DIP2B: variants seen among roughly 807,000 people sequenced by gnomAD.
DIP2B encodes the protein disco-interacting protein 2 homolog B.
DIP2B carries 76 observed loss-of-function variants against 198.0 expected under a neutral mutation model. The ratio of observed to expected loss-of-function variants is 0.38; its 90% confidence interval spans 0.32 to 0.46. The LOEUF is 0.46. DIP2B is among the 20% of genes least tolerant of loss of function. The probability of loss-of-function intolerance (pLI) is 0.99; values close to 1 mark genes in which losing one functional copy is unlikely to be tolerated. For synonymous variants in DIP2B, 701 were observed against 739.1 expected, an observed-to-expected ratio of 0.95 and a Z score of 0.84; for missense variants, 1,559 against 1,978.4, an observed-to-expected ratio of 0.79 and a Z score of 4.02.
At chr12:50,628,372 AAAAT>A (rs568896946) in intron 2 of DIP2B, among the ~76,000 whole-genome samples, 5 of 152,290 alleles carry the variant, frequency 3.3e-5, no homozygotes, top group East Asian at 1.9e-4. Context: ...CTCCGTCTCA[AAAAT>A]AAATAAATAA....
At chr12:50,648,549 G>A (rs1435778221) in intron 3 of DIP2B, among the ~76,000 whole-genome samples, 2 of 151,918 alleles carry the variant, frequency 1.3e-5, no homozygotes, top group Non-Finnish European at 2.9e-5. Context: ...ATTTTTAGTA[G>A]AGACGGGTTT....
Position 50,517,073 on chromosome 12 carries a change from C to T in DIP2B, c.100+11833C>T, listed in dbSNP as rs372786385. On this transcript the variant is annotated intron_variant, in intron 1 of 37. Transcript: ENST00000301180. ...CTGGGACTACAGGTGCCCGCCACCACGCCCGGCTAATTTTTTTGTATTTTT... is the reference window on the plus strand; with the variant it reads ...CTGGGACTACAGGTGCCCGCCACCATGCCCGGCTAATTTTTTTGTATTTTT... 6.6e-5 allele frequency among the ~76,000 whole-genome samples: 10 copies of T among 152,002 alleles called. No individual in the cohort carries two copies. The East Asian group carries it at 7.9e-4, about 12-fold the overall frequency.
At chr12:50,537,548 A>C (rs549132712) in intron 1 of DIP2B, among the ~76,000 whole-genome samples, 109 of 152,270 alleles carry the variant, frequency 7.2e-4, no homozygotes, top group African/African-American at 2.5e-3. Flanking sequence ...CATCCCAGTC[A>C]ACAAATGGCA....
At chr12:50,679,794 A>G (rs537987093) in intron 8 of DIP2B, 1 of 152,222 alleles carries the variant, frequency 6.6e-6, no homozygotes, top group South Asian at 2.1e-4. Flanking sequence ...CCATATGTTC[A>G]TACAGATAAT....
intron 5 of DIP2B, among the ~76,000 whole-genome samples, chr12:50,671,861 T>C (rs1433811003): frequency 6.6e-6 from 1 of 152,246 alleles, no homozygotes; most frequent in Non-Finnish European, 1.5e-5. Context: ...TTGTCCTTGC[T>C]GCTGTGATAT....
intron 1 of DIP2B, among the ~76,000 whole-genome samples, chr12:50,598,988 T>TA (rs113915324): frequency 0.46 from 48,882 of 106,252 alleles, 12,018 homozygotes; most frequent in African/African-American, 0.58. Context: ...ATATAAACAT[T>TA]AAAAAAAAAA....
intron 35 of DIP2B, among the ~76,000 whole-genome samples, chr12:50,739,027 T>C (rs1048951678): frequency 6.6e-6 from 1 of 152,222 alleles, no homozygotes; most frequent in African/African-American, 2.4e-5. Context: ...CCCTGATGTG[T>C]TCGTGGGACT....
Position 50,551,709 on chromosome 12 carries a change from C to G in DIP2B, c.100+46469C>G, listed in dbSNP as rs539775897. On this transcript the variant is annotated intron_variant, in intron 1 of 37. Coordinates refer to ENST00000301180, the MANE Select transcript of DIP2B (RefSeq NM_173602.3). Reference sequence around the variant, plus strand: ...TCTGCCCGCCTTGGCCTCCCAAAGTCTTGGGATTACATGCATGAGCCACCA... The same window carrying G: ...TCTGCCCGCCTTGGCCTCCCAAAGTGTTGGGATTACATGCATGAGCCACCA... Among the ~76,000 whole-genome samples the G allele has an allele frequency of 7.9e-5, 12 of 152,230 alleles. No homozygotes were observed. In the South Asian group the frequency reaches 2.5e-3, roughly 32 times the overall value.
At chr12:50,687,493 GC>G (rs2139543152) in intron 12 of DIP2B, among the ~76,000 whole-genome samples, 2 of 152,262 alleles carry the variant, frequency 1.3e-5, no homozygotes, top group East Asian at 3.9e-4. Flanking sequence ...AAATCATCTA[GC>G]CTTGAACACT....
intron 20 of DIP2B, among the ~76,000 whole-genome samples, chr12:50,704,947 CA>C (rs1939487623): frequency 6.7e-6 from 1 of 149,126 alleles, no homozygotes; most frequent in Admixed American, 6.6e-5. Context: ...GACTTCATTT[CA>C]AAAAACAAAC....
chr12:50,525,278 A>G (rs1023897198), intron 1 of DIP2B, among the ~76,000 whole-genome samples: 3 of 151,482 alleles, frequency 2.0e-5, no homozygotes, highest in Non-Finnish European at 4.4e-5. Flanking sequence ...GAATGGCGTG[A>G]ACCCGGGAGG....
chr12:50,520,064 T>G (rs986454959), intron 1 of DIP2B, among the ~76,000 whole-genome samples: 5 of 116,476 alleles, frequency 4.3e-5, no homozygotes, highest in Middle Eastern at 6.4e-3. Context: ...TTTGAGACAA[T>G]GTCTTACTTG....
intron 37 of DIP2B, among the ~76,000 whole-genome samples, chr12:50,742,434 G>C (rs1170427212): frequency 7.7e-6 from 1 of 129,506 alleles, no homozygotes; most frequent in African/African-American, 2.8e-5. Flanking sequence ...CACCTCTGTA[G>C]TGTTTACCTA....
At chr12:50,536,271 G>A (rs117851604) in intron 1 of DIP2B, among the ~76,000 whole-genome samples, 214 of 148,080 alleles carry the variant, frequency 1.4e-3, no homozygotes, top group African/African-American at 5.1e-3. Flanking sequence ...CTAAATACGT[G>A]CATACATACA....
At chr12:50,640,218 T>C (rs1325999669) in intron 2 of DIP2B, among the ~76,000 whole-genome samples, 1 of 152,150 alleles carries the variant, frequency 6.6e-6, no homozygotes, top group African/African-American at 2.4e-5. Context: ...GATAAGACAG[T>C]ACATTTTGGG....
intron 1 of DIP2B, among the ~76,000 whole-genome samples, chr12:50,624,364 G>A (rs942759890): frequency 9.2e-5 from 14 of 152,074 alleles, no homozygotes; most frequent in Non-Finnish European, 1.5e-4. Context: ...ACAGAGTCTT[G>A]CTCCATTGCC....
intron 34 of DIP2B, 66 bp downstream of exon 34, chr12:50,735,196 C>A: frequency 1.3e-6 from 2 of 1,567,688 alleles, no homozygotes; most frequent in South Asian, 1.1e-5. Context: ...TTAAAGAAAC[C>A]AGAAGCCATA....
chr12:50,507,425 G>A (rs921341445), intron 1 of DIP2B, among the ~76,000 whole-genome samples: 2 of 152,212 alleles, frequency 1.3e-5, no homozygotes, highest in Non-Finnish European at 2.9e-5. Flanking sequence ...CCCCATATCT[G>A]TGTAGTATGG....
rs1302010972 is a variant in DIP2B at position 50,695,254 on chromosome 12, C to T, written c.1720-13C>T. On this transcript the variant is annotated splice_polypyrimidine_tract_variant and intron_variant, in intron 14 of 37. Coordinates refer to ENST00000301180, the MANE Select transcript of DIP2B (RefSeq NM_173602.3). ...TTTGTATTGATTACTTTTCTTCTTT[C>T]TTTGTTTTTCAGAATGTAATGAATA... 3 of 1,607,060 alleles carry T rather than the reference C, an allele frequency of 1.9e-6. No individual in the cohort carries two copies. Among genetic ancestry groups the T allele is most frequent in the Non-Finnish European group, 1.7e-6 (2 of 1,176,186 alleles).
Sources: allele counts gnomAD v4.1 joint callset (sites outside exome capture counted in the v4.1 genomes callset), GRCh38; gene constraint gnomAD v4.1.1; transcripts MANE v1.5; gene names NCBI Gene and HGNC (gene_info 2026-07-23, HGNC 2026-07-21).